Variants in KRT2 observed in about 807,000 individuals in gnomAD.
KRT2 encodes keratin, type II cytoskeletal 2 epidermal.
In KRT2, 37 loss-of-function variants were observed where a neutral mutation model predicts 48.5. The ratio of observed to expected loss-of-function variants is 0.76; its 90% CI spans 0.59 to 1.00. KRT2 has a LOEUF of 1.00. KRT2 is among the 50% of genes least tolerant of loss of function. The pLI, the probability that KRT2 is intolerant of heterozygous loss-of-function variation, is 0.00. For synonymous variants in KRT2, 324 were observed against 312.2 expected (o/e 1.04, Z -0.40); for missense variants, 880 against 815.2 (o/e 1.08, Z -0.97).
chr12:52,649,894 CAAGACATTCTCTCGCTCACCT>C lies in KRT2; in HGVS notation c.860_861+19del. On this transcript the variant is annotated splice_donor_variant and splice_donor_5th_base_variant and coding_sequence_variant and intron_variant, in exon 3 of 9. Transcript: ENST00000309680. LOFTEE classifies it high-confidence loss of function. ...AAGCACTCCTATCCCCACCCCCAGCCAAGACATTCTCTCGCTCACCTTTTTAAGCGTCACAAAATCATTCTC... is the reference window on the plus strand; with the variant it reads ...AAGCACTCCTATCCCCACCCCCAGCCTTTTAAGCGTCACAAAATCATTCTC... 6.2e-7 allele frequency: 1 copy of C among 1,607,526 alleles called. No individual in the cohort carries two copies. Among genetic ancestry groups the C allele is most frequent in the South Asian group, 1.1e-5 (1 of 90,942 alleles).
intron 5 of KRT2, 99 bp from the exon 6 acceptor site, chr12:52,647,954 G>T (rs199574873): frequency 6.7e-7 from 1 of 1,503,274 alleles, no homozygotes; most frequent in Non-Finnish European, 9.2e-7. Context: ...GGTCCAGGGA[G>T]GGTCAACCCA....
chr12:52,646,019 T>G (rs1941157342), intron 7 of KRT2, among the ~76,000 whole-genome samples: 1 of 152,196 alleles, frequency 6.6e-6, no homozygotes, highest in South Asian at 2.1e-4. Context: ...CTCTTCAGCT[T>G]CAACTGAAAA....
chr12:52,648,726 C>T (rs1355220418), intron 4 of KRT2, among the ~76,000 whole-genome samples: 1 of 152,138 alleles, frequency 6.6e-6, no homozygotes, highest in African/African-American at 2.4e-5. Flanking sequence ...GGAATGGGCA[C>T]AGGGCTTGTC....
chr12:52,650,229 C>T, intron 2 of KRT2, 110 bp downstream of exon 2: 1 of 944,256 alleles, frequency 1.1e-6, no homozygotes, highest in Non-Finnish European at 1.7e-6. Flanking sequence ...ACATATGCCT[C>T]TCCCCATTAC....
In KRT2 at chr12:52,648,300, T is replaced by C. The variant is rs1044868571; in HGVS notation, c.995A>G (p.Asn332Ser). 5.6e-6 allele frequency: 9 copies of C among 1,614,000 alleles called. No homozygotes were observed. Among genetic ancestry groups the C allele is most frequent in the African/African-American group, 1.3e-5 (1 of 74,904 alleles). ...SQIHQSVTDT[N>S]VILSMDNSRN... ...GCTGTTGTCCATGGAGAGGATGACGTTGGTGTCAGTGACACTCTGATGTAT... is the reference window on the plus strand; with the variant it reads ...GCTGTTGTCCATGGAGAGGATGACGCTGGTGTCAGTGACACTCTGATGTAT... The change falls in exon 5 of 9, where the codon AAC (asparagine) becomes AGC (serine). Residue 332 changes from asparagine (N) to serine (S), a missense_variant. By Grantham distance (46) the Asn-to-Ser change is conservative. Coordinates refer to ENST00000309680, the MANE Select transcript of KRT2 (RefSeq NM_000423.3).
rs1185911000 is a variant in KRT2, at chr12:52,651,659, G to A, written c.484C>T (p.Pro162Ser). 1.2e-6 allele frequency: 2 copies of A among 1,613,954 alleles called. No individual in the cohort carries two copies. The highest frequency in any genetic ancestry group is 1.3e-5 in the African/African-American group (1 of 74,978). The stretch of plus-strand genomic sequence containing the variant: ...TCTGGGTCAACTTTCACGTTGAGAG[G>A]CTGCAGGAGGCTCTGGTTGACAGAG... ...EVSVNQSLLQPLNVKVDPEIQ... is the reference protein window; with the variant it reads ...EVSVNQSLLQSLNVKVDPEIQ... Residue 162 changes from proline (P) to serine (S), a missense_variant, in exon 1 of 9, where the codon CCT becomes TCT. Coordinates refer to ENST00000309680, the MANE Select transcript of KRT2 (RefSeq NM_000423.3).
At position 52,649,100 on chromosome 12, in the gene KRT2, G is replaced by A. The variant is rs765620105; in HGVS notation, c.864C>T (p.Asp288=). 2.2e-5 allele frequency: 35 copies of A among 1,606,274 alleles called. No homozygotes were observed. The highest frequency in any genetic ancestry group is 8.0e-5 in the African/African-American group (6 of 74,746). The part of the protein sequence containing the change: ...AENDFVTLKK[D]VDNAYMIKVE... ...CCTTTATCATGTAGGCATTGTCCACGTCCTGCAAGAAAGGTTGAGGCCTCT... is the reference window on the plus strand; with the variant it reads ...CCTTTATCATGTAGGCATTGTCCACATCCTGCAAGAAAGGTTGAGGCCTCT... Residue 288 remains aspartate (D), a splice_region_variant and synonymous_variant, in exon 4 of 9, where the codon GAC becomes GAT. Coordinates refer to ENST00000309680, the MANE Select transcript of KRT2 (RefSeq NM_000423.3).
intron 4 of KRT2, 61 bp downstream of exon 4, chr12:52,648,943 GAAA>G: frequency 9.4e-7 from 1 of 1,063,980 alleles, no homozygotes; most frequent in Non-Finnish European, 1.5e-6. Context: ...TCACCAAGCA[GAAA>G]GGACTTTCAT....
At position 52,652,077 on chromosome 12, in the gene KRT2, G is replaced by A. The variant is rs750681391; in HGVS notation, c.66C>T (p.Phe22=). ...RGGGGGGFRG[F]SSGSAVVSGG... is the part of the protein sequence containing the mutation. ...CAGACACCACAGCTGAGCCGCTGCT[G>A]AAGCCCCGGAATCCTCCTCCACCTC... Residue 22 remains phenylalanine, a synonymous_variant, in exon 1 of 9, where the codon TTC becomes TTT. Transcript: ENST00000309680. 1.3e-6 allele frequency: 2 copies of A among 1,598,282 alleles called. No homozygotes were observed. Among genetic ancestry groups the A allele is most frequent in the South Asian group, 1.1e-5 (1 of 90,358 alleles).
chr12:52,652,106 C>T lies in KRT2; in HGVS notation c.37G>A (p.Gly13Arg), dbSNP rs1407901940. The T allele has an allele frequency of 1.3e-6, 2 of 1,575,466 alleles. No homozygotes were observed. The highest frequency in any genetic ancestry group is 1.3e-5 in the African/African-American group (1 of 74,644). The change falls in exon 1 of 9, where the codon GGA becomes AGA. Residue 13 changes from glycine to arginine, a missense_variant. Transcript: ENST00000309680. ...CQISCKSRGR[G>R]GGGGGFRGFS... ...CCCCGGAATCCTCCTCCACCTCCTC[C>T]TCTTCCTCGAGATTTGCAAGAGATC...
chr12:52,644,746 C>T lies in KRT2; in HGVS notation c.*273G>A, dbSNP rs1941135745. 4 of 518,548 alleles carry T rather than the reference C, an allele frequency of 7.7e-6. No individual in the cohort carries two copies. The highest frequency in any genetic ancestry group is 1.4e-5 in the Non-Finnish European group (4 of 287,750). 32.1% of individuals were successfully genotyped at this position (518,548 alleles called of 1,614,324 possible). On this transcript the variant is annotated 3_prime_UTR_variant, in exon 9 of 9. Coordinates refer to ENST00000309680, the MANE Select transcript of KRT2 (RefSeq NM_000423.3). ...CTGGAAAATGGGCAATGCAAAGAGGCATGGTGGGGGCGGGAATGGGCATGG... is the reference window on the plus strand; with the variant it reads ...CTGGAAAATGGGCAATGCAAAGAGGTATGGTGGGGGCGGGAATGGGCATGG...
chr12:52,646,641 G>A, intron 7 of KRT2, 99 bp downstream of exon 7: 1 of 1,330,724 alleles, frequency 7.5e-7, no homozygotes, highest in Non-Finnish European at 1.1e-6. Context: ...AGGAGGGCCT[G>A]CCCCATTCTC....
At chr12:52,649,477 C>G (rs1333664742) in intron 3 of KRT2, among the ~76,000 whole-genome samples, 2 of 152,152 alleles carry the variant, frequency 1.3e-5, no homozygotes, top group African/African-American at 4.8e-5. Flanking sequence ...GAAATTTCCC[C>G]AGAATATACA....
At position 52,645,516 on chromosome 12, in the gene KRT2, A is replaced by G; in HGVS notation, c.1504+19T>C. ...CTGACACAACACCCCATGGAACAGG[A>G]CCACACCCCATTACTTACACACAGT... On this transcript the variant is annotated intron_variant, in intron 8 of 8. Transcript: ENST00000309680. 1 of 1,614,096 alleles carries G rather than the reference A, an allele frequency of 6.2e-7. No homozygotes were observed. Among genetic ancestry groups the G allele is most frequent in the Non-Finnish European group, 8.5e-7 (1 of 1,179,962 alleles).
At position 52,649,938 on chromosome 12, in the gene KRT2, C is replaced by CGTCACAAAA; in HGVS notation, c.836_837insTTTTGTGAC (p.Glu279delinsAspPheValThr). On this transcript the variant is annotated protein_altering_variant, in exon 3 of 9. Coordinates refer to ENST00000309680, the MANE Select transcript of KRT2 (RefSeq NM_000423.3). Reference sequence around the variant, plus strand: ...CCTTTTTAAGCGTCACAAAATCATTCTCAGCAGCTGTGCGCTTATTGATTT... The same window carrying CGTCACAAAA: ...CCTTTTTAAGCGTCACAAAATCATTCGTCACAAAATCAGCAGCTGTGCGCTTATTGATTT... 6.2e-7 allele frequency: 1 copy of CGTCACAAAA among 1,613,946 alleles called. No homozygotes were observed. Among genetic ancestry groups the CGTCACAAAA allele is most frequent in the South Asian group, 1.1e-5 (1 of 91,068 alleles).
rs1462478328 is a variant in KRT2 at position 52,645,371 on chromosome 12, C to T, written c.1568G>A (p.Gly523Asp). The change falls in exon 9 of 9, where the codon GGT becomes GAT. Residue 523 changes from glycine (G) to aspartate (D), a missense_variant. Physicochemically the swap from Gly to Asp is moderately conservative, Grantham distance 94. Coordinates refer to ENST00000309680, the MANE Select transcript of KRT2 (RefSeq NM_000423.3). ...TCCTCCTCCGGAACTGGACCCTCTA[C>T]CTCCAGAACCTCCAAAGGCAGCCTT... ...ASKAAFGGSG[G>D]RGSSSGGGYS... is the part of the protein sequence containing the mutation. The T allele has an allele frequency of 6.2e-7, 1 of 1,614,240 alleles. No homozygotes were observed. Among genetic ancestry groups the T allele is most frequent in the South Asian group, 1.1e-5 (1 of 91,092 alleles).
At chr12:52,647,616 G>A in intron 6 of KRT2, 114 bp downstream of exon 6, 1 of 1,241,914 alleles carries the variant, frequency 8.1e-7, no homozygotes, top group Non-Finnish European at 1.2e-6. Context: ...ATACATGCTA[G>A]AGTGCAATAT....
rs1565641138 is a variant in KRT2 at position 52,652,137 on chromosome 12, A to G, written c.6T>C (p.Ser2=). 1.3e-6 allele frequency: 2 copies of G among 1,542,660 alleles called. No homozygotes were observed. The highest frequency in any genetic ancestry group is 1.9e-5 in the Admixed American group (1 of 51,582). The change falls in exon 1 of 9, where the codon AGT becomes AGC. Residue 2 remains serine, a synonymous_variant. Transcript: ENST00000309680. ...CTCGAGATTTGCAAGAGATCTGACA[A>G]CTCATGATGCCTTTGTCCAGGGAGG... M[S]CQISCKSRGR...
chr12:52,650,728 C>A, intron 1 of KRT2, 175 bp from the exon 2 acceptor site: 1 of 675,054 alleles, frequency 1.5e-6, no homozygotes, highest in Non-Finnish European at 2.7e-6. Flanking sequence ...CCTGGAAAGT[C>A]CCACAGACTC....
Sources: allele counts gnomAD v4.1 joint callset (sites outside exome capture counted in the v4.1 genomes callset), GRCh38; gene constraint gnomAD v4.1.1; transcripts MANE v1.5; gene names NCBI Gene and HGNC (gene_info 2026-07-23, HGNC 2026-07-21).